RNF138: variants seen among roughly 807,000 people sequenced by gnomAD.
RNF138 encodes the protein E3 ubiquitin-protein ligase RNF138.
A neutral mutation model predicts 31.0 loss-of-function variants in RNF138; 12 were observed. That is an observed-to-expected ratio of 0.39 (90% CI 0.25 to 0.63). RNF138 has a LOEUF of 0.63. Among genes scored for constraint, RNF138 ranks in the 20% least tolerant of loss-of-function variants. The pLI is 0.52. For missense variants in RNF138, 192 were observed against 300.1 expected (o/e 0.64, Z 2.66); for synonymous variants, 105 against 99.5 (o/e 1.06, Z -0.33).
At chr18:32,101,806 T>C (rs1389105701) in intron 2 of RNF138, among the ~76,000 whole-genome samples, 6 of 152,220 alleles carry the variant, frequency 3.9e-5, no homozygotes, top group Admixed American at 3.9e-4. Flanking sequence ...ATACAGTTCA[T>C]AGTGGTGTCT....
In RNF138 at chr18:32,130,577, G is replaced by T. The variant is rs1165312139; in HGVS notation, c.*1390G>T. ...AATAACTAGAAGAACATAAAAGAAA[G>T]AGAATCTCAGAAGTAGTTTGCTGCT... On this transcript the variant is annotated 3_prime_UTR_variant, in exon 8 of 8. Coordinates refer to ENST00000261593, the MANE Select transcript of RNF138 (RefSeq NM_016271.5). The T allele has an allele frequency of 3.9e-5, 6 of 152,378 alleles. No individual in the cohort carries two copies. Among genetic ancestry groups the T allele is most frequent in the African/African-American group, 1.4e-4 (6 of 41,422 alleles). The allele number at this position is 152,378 out of a possible 1,614,324, so 9.4% of individuals were successfully genotyped here.
Position 32,092,791 on chromosome 18 carries a change from C to G in RNF138, c.15C>G (p.Leu5=). 6.3e-7 allele frequency: 1 copy of G among 1,588,530 alleles called. No homozygotes were observed. The highest frequency in any genetic ancestry group is 8.5e-7 in the Non-Finnish European group (1 of 1,170,584). ...CATCCCCCGCCATGGCCGAGGACCT[C>G]TCTGCGGCCACGTCCTACACCGAAG... MAED[L]SAATSYTEDD... The change falls in exon 2 of 8, where the codon CTC becomes CTG. Residue 5 remains leucine, a synonymous_variant. Coordinates refer to ENST00000261593, the MANE Select transcript of RNF138 (RefSeq NM_016271.5).
At chr18:32,112,701 G>T (rs895626645) in intron 3 of RNF138, among the ~76,000 whole-genome samples, 3 of 152,040 alleles carry the variant, frequency 2.0e-5, no homozygotes, top group Non-Finnish European at 2.9e-5. Flanking sequence ...GAAGAAGAAA[G>T]AAATCACAAA....
At chr18:32,103,791 A>G (rs986193839) in intron 2 of RNF138, among the ~76,000 whole-genome samples, 1 of 151,630 alleles carries the variant, frequency 6.6e-6, no homozygotes, top group Non-Finnish European at 1.5e-5. Flanking sequence ...GTGAAACCCC[A>G]TCTCTACTAA....
chr18:32,109,581 CT>C (rs779939469), intron 2 of RNF138: 2 of 152,138 alleles, frequency 1.3e-5, no homozygotes, highest in Non-Finnish European at 2.9e-5. Context: ...GATTTGGTTA[CT>C]TTTACTATTT....
chr18:32,093,148 C>CCCGCTCTCCCGCTCTT (rs1388431939), intron 2 of RNF138, among the ~76,000 whole-genome samples: 1 of 150,024 alleles, frequency 6.7e-6, no homozygotes, highest in African/African-American at 2.4e-5. Context: ...CTCCCGCTCT[C>CCCGCTCTCCCGCTCTT]CCTGGCTTTC....
chr18:32,093,479 G>T (rs560647575), intron 2 of RNF138, among the ~76,000 whole-genome samples: 1 of 152,146 alleles, frequency 6.6e-6, no homozygotes, highest in African/African-American at 2.4e-5. Context: ...TTCGTTTCCA[G>T]TCCACTATGT....
At chr18:32,123,648 TA>T in intron 5 of RNF138, 74 bp downstream of exon 5, 1 of 1,034,558 alleles carries the variant, frequency 9.7e-7, no homozygotes, top group Non-Finnish European at 1.4e-6. Context: ...CTTTTTAAAT[TA>T]AACTTTTTTT....
chr18:32,097,974 GTGTT>G (rs747132487), intron 2 of RNF138, among the ~76,000 whole-genome samples: 1 of 71,188 alleles, frequency 1.4e-5, no homozygotes, highest in Non-Finnish European at 3.1e-5. Flanking sequence ...GTGTGTGTGT[GTGTT>G]ATTTTTGTTT....
chr18:32,093,187 C>T (rs1008329542), intron 2 of RNF138, among the ~76,000 whole-genome samples: 1 of 152,060 alleles, frequency 6.6e-6, no homozygotes, highest in African/African-American at 2.4e-5. Context: ...CCAGGCCGTT[C>T]CCTGCGGCGT....
At chr18:32,126,388 C>T (rs373448151) in intron 6 of RNF138, among the ~76,000 whole-genome samples, 124 of 152,224 alleles carry the variant, frequency 8.1e-4, no homozygotes, top group African/African-American at 2.8e-3. Flanking sequence ...TTGCAGGCAG[C>T]CAGTTAGTGA....
At chr18:32,128,308 C>A (rs377761680) in intron 7 of RNF138, among the ~76,000 whole-genome samples, 1 of 152,120 alleles carries the variant, frequency 6.6e-6, no homozygotes, top group Non-Finnish European at 1.5e-5. Flanking sequence ...GAGGCCGAGG[C>A]GGGTGGATCA....
Position 32,092,684 on chromosome 18 carries a change from C to G in RNF138, c.-77-16C>G, listed in dbSNP as rs771872858. On this transcript the variant is annotated splice_polypyrimidine_tract_variant and intron_variant, in intron 1 of 7. Coordinates refer to ENST00000261593, the MANE Select transcript of RNF138 (RefSeq NM_016271.5). Reference sequence around the variant, plus strand: ...TATCCTGATGCGATCCCCCTCCCCCCTCCGGGTTCATGTAGGGAGTCGGGC... The same window carrying G: ...TATCCTGATGCGATCCCCCTCCCCCGTCCGGGTTCATGTAGGGAGTCGGGC... The G allele has an allele frequency of 8.1e-6, 6 of 744,254 alleles. No individual in the cohort carries two copies. Among genetic ancestry groups the G allele is most frequent in the Non-Finnish European group, 1.4e-5 (6 of 428,020 alleles). 46.1% of individuals were successfully genotyped at this position (744,254 alleles called of 1,614,324 possible).
chr18:32,099,433 C>T lies in RNF138; in HGVS notation c.110+6547C>T, dbSNP rs189709139. Reference sequence around the variant, plus strand: ...TTTATTTTATTTTTAGACAAAATCTCGCTCTGTTGCCCAGACTGGAGTGCA... The same window carrying T: ...TTTATTTTATTTTTAGACAAAATCTTGCTCTGTTGCCCAGACTGGAGTGCA... On this transcript the variant is annotated intron_variant, in intron 2 of 7. Coordinates refer to ENST00000261593, the MANE Select transcript of RNF138 (RefSeq NM_016271.5). Among the ~76,000 whole-genome samples the T allele has an allele frequency of 1.6e-3, 246 of 152,184 alleles. 5 individuals are homozygous for T. The highest frequency in any genetic ancestry group is 0.015 in the Admixed American group (228 of 15,264).
intron 4 of RNF138, among the ~76,000 whole-genome samples, chr18:32,117,876 T>C (rs2040242535): frequency 6.6e-6 from 1 of 152,218 alleles, no homozygotes; most frequent in South Asian, 2.1e-4. Context: ...AGATTATATA[T>C]TTTTGTTTTC....
Position 32,097,938 on chromosome 18 carries a change from GTATA to G in RNF138, c.110+5056_110+5059del, listed in dbSNP as rs202005922. Among the ~76,000 whole-genome samples the G allele has an allele frequency of 9.1e-4, 123 of 135,668 alleles. 1 individual carries two copies. Among genetic ancestry groups the G allele is most frequent in the Admixed American group, 2.7e-3 (37 of 13,850 alleles). The allele number at this position is 135,668 out of a possible 152,430, so 89.0% of individuals were successfully genotyped here. A position where few individuals can be genotyped will look rare whatever the true frequency, so the allele number is the denominator to read the frequency against. Reference sequence around the variant, plus strand: ...TGTGTGTGTGTGTGTATATGTGTATGTATATATGTGTGTGTGTGTGTGTGTGTGT... The same window carrying G: ...TGTGTGTGTGTGTGTATATGTGTATGTATGTGTGTGTGTGTGTGTGTGTGT... On this transcript the variant is annotated intron_variant, in intron 2 of 7. Coordinates refer to ENST00000261593, the MANE Select transcript of RNF138 (RefSeq NM_016271.5).
At chr18:32,119,772 G>A (rs985084823) in intron 4 of RNF138, among the ~76,000 whole-genome samples, 2 of 152,172 alleles carry the variant, frequency 1.3e-5, no homozygotes, top group Admixed American at 6.6e-5. Context: ...TAGAACATGA[G>A]TAAATGTTTT....
At chr18:32,122,432 A>C (rs2040321322) in intron 4 of RNF138, 1 of 151,974 alleles carries the variant, frequency 6.6e-6, no homozygotes, top group African/African-American at 2.4e-5. Flanking sequence ...TGGCATTGAG[A>C]TATAGAACCA....
chr18:32,095,309 A>G (rs770899609), intron 2 of RNF138, among the ~76,000 whole-genome samples: 6 of 152,072 alleles, frequency 3.9e-5, no homozygotes, highest in Non-Finnish European at 8.8e-5. Context: ...TGCTGGGACT[A>G]CAGGAGCATG....
Sources: gnomAD v4.1 joint callset for allele counts (sites outside exome capture counted in the v4.1 genomes callset) on GRCh38, gnomAD v4.1.1 for gene constraint, MANE v1.5 for transcripts, NCBI Gene and HGNC (gene_info 2026-07-23, HGNC 2026-07-21) for gene names.